ZMAT4: variants seen among roughly 807,000 people sequenced by gnomAD.
ZMAT4 encodes the protein zinc finger matrin-type protein 4.
A neutral mutation model predicts 28.7 loss-of-function variants in ZMAT4; 17 were observed. That is an observed-to-expected ratio of 0.59 (90% CI 0.41 to 0.89). The LOEUF is 0.89. ZMAT4 is among the 40% of genes least tolerant of loss of function. The pLI is 0.00. For missense variants in ZMAT4, 240 were observed against 283.8 expected (o/e 0.85, Z 1.11); for synonymous variants, 117 against 109.2 (o/e 1.07, Z -0.44).
chr8:40,849,007 C>G (rs1339774845), intron 1 of ZMAT4, among the ~76,000 whole-genome samples: 2 of 152,250 alleles, frequency 1.3e-5, no homozygotes, highest in Non-Finnish European at 1.5e-5. Context: ...TGTGTCCTGA[C>G]AGATGGCGAG....
At chr8:40,895,834 A>G (rs1003105485) in intron 1 of ZMAT4, among the ~76,000 whole-genome samples, 1 of 152,212 alleles carries the variant, frequency 6.6e-6, no homozygotes, top group East Asian at 1.9e-4. Flanking sequence ...CTCATGCAAG[A>G]TCCCCCACGT....
At chr8:40,875,924 C>T (rs922583924) in intron 1 of ZMAT4, among the ~76,000 whole-genome samples, 3 of 152,130 alleles carry the variant, frequency 2.0e-5, no homozygotes, top group Admixed American at 6.5e-5. Context: ...ATGGGAAAGA[C>T]GACGGATATG....
chr8:40,741,561 T>G (rs1482267394), intron 3 of ZMAT4, among the ~76,000 whole-genome samples: 1 of 152,208 alleles, frequency 6.6e-6, no homozygotes, highest in Non-Finnish European at 1.5e-5. Flanking sequence ...TTAAAAAGAT[T>G]GGTAATATCC....
intron 3 of ZMAT4, among the ~76,000 whole-genome samples, chr8:40,743,742 G>A (rs998103951): frequency 9.9e-5 from 15 of 152,196 alleles, no homozygotes; most frequent in Non-Finnish European, 1.9e-4. Context: ...TGAAGCCACA[G>A]ATCATGGTGG....
chr8:40,686,949 C>T (rs1032762207), intron 4 of ZMAT4, among the ~76,000 whole-genome samples: 3 of 151,964 alleles, frequency 2.0e-5, no homozygotes, highest in African/African-American at 7.2e-5. Context: ...TCCCACATTG[C>T]TGGGCTGTGA....
chr8:40,573,863 C>T (rs770453356), intron 6 of ZMAT4, among the ~76,000 whole-genome samples: 3 of 152,170 alleles, frequency 2.0e-5, no homozygotes, highest in Non-Finnish European at 4.4e-5. Context: ...TGTCAGTGTA[C>T]AAGGCCACTG....
chr8:40,628,716 AACTT>A (rs1806463496), intron 5 of ZMAT4, among the ~76,000 whole-genome samples: 1 of 152,186 alleles, frequency 6.6e-6, no homozygotes, highest in Admixed American at 6.5e-5. Context: ...CATGATTACT[AACTT>A]GGAGCAGAGA....
At chr8:40,638,630 G>A (rs1250599008) in intron 5 of ZMAT4, among the ~76,000 whole-genome samples, 1 of 152,192 alleles carries the variant, frequency 6.6e-6, no homozygotes, top group Non-Finnish European at 1.5e-5. Flanking sequence ...AGGAATCAGA[G>A]GAAACAAGTG....
chr8:40,566,679 C>T (rs1296596849), intron 6 of ZMAT4, among the ~76,000 whole-genome samples: 1 of 152,046 alleles, frequency 6.6e-6, no homozygotes, highest in Non-Finnish European at 1.5e-5. Context: ...TACTCAGTTG[C>T]CTTGAATAGG....
intron 5 of ZMAT4, among the ~76,000 whole-genome samples, chr8:40,611,063 CT>C (rs1437590310): frequency 6.6e-6 from 1 of 152,046 alleles, no homozygotes; most frequent in Non-Finnish European, 1.5e-5. Context: ...TGAAAAGTTC[CT>C]TTTGCAAATG....
intron 1 of ZMAT4, among the ~76,000 whole-genome samples, chr8:40,874,851 AAAC>A (rs1817984930): frequency 6.6e-6 from 1 of 152,214 alleles, no homozygotes; most frequent in African/African-American, 2.4e-5. Context: ...TTATTTTAGT[AAAC>A]AACATCAAAG....
chr8:40,646,900 A>G (rs1034035685), intron 5 of ZMAT4, among the ~76,000 whole-genome samples: 4 of 152,232 alleles, frequency 2.6e-5, no homozygotes, highest in East Asian at 1.9e-4. Context: ...CAGTATACAT[A>G]TTCTTCTCAA....
rs1018600730 is a variant in ZMAT4 at position 40,557,755 on chromosome 8, C to T, written c.674+23410G>A. Among the ~76,000 whole-genome samples, 12 of 152,204 alleles carry T rather than the reference C, an allele frequency of 7.9e-5. No individual in the cohort carries two copies. The East Asian group carries it at 2.3e-3, about 29-fold the overall frequency. The stretch of plus-strand genomic sequence containing the variant: ...CTCTGTGTGCTGGTCCCTTCTAAAC[C>T]CTGGAGATGCAGCTGTGAACAAGAC... On this transcript the variant is annotated intron_variant, in intron 6 of 6. Coordinates refer to ENST00000297737, the MANE Select transcript of ZMAT4 (RefSeq NM_024645.3).
chr8:40,765,532 G>A (rs1017185044), intron 3 of ZMAT4, among the ~76,000 whole-genome samples: 2 of 152,192 alleles, frequency 1.3e-5, no homozygotes, highest in African/African-American at 4.8e-5. Context: ...ATCATTGGTA[G>A]ATCAAGGTTT....
chr8:40,718,707 G>C (rs1417632494), intron 3 of ZMAT4, among the ~76,000 whole-genome samples: 2 of 152,080 alleles, frequency 1.3e-5, no homozygotes, highest in African/African-American at 4.8e-5. Context: ...GACACACACA[G>C]AGAGAAAAGC....
chr8:40,641,755 A>G (rs950352265), intron 5 of ZMAT4, among the ~76,000 whole-genome samples: 5 of 152,146 alleles, frequency 3.3e-5, no homozygotes, highest in African/African-American at 2.4e-5. Context: ...TATACAATAC[A>G]GTATTTTTAA....
chr8:40,784,829 T>A (rs1232070892), intron 2 of ZMAT4, among the ~76,000 whole-genome samples: 1 of 152,210 alleles, frequency 6.6e-6, no homozygotes, highest in Non-Finnish European at 1.5e-5. Context: ...CATCCCAGGA[T>A]GTGACGATAA....
chr8:40,728,406 A>G (rs1811393983), intron 3 of ZMAT4, among the ~76,000 whole-genome samples: 1 of 152,178 alleles, frequency 6.6e-6, no homozygotes, highest in Non-Finnish European at 1.5e-5. Flanking sequence ...AAATGTTTCC[A>G]TCTTGTGGGT....
intron 1 of ZMAT4, among the ~76,000 whole-genome samples, chr8:40,851,608 A>G (rs1302152304): frequency 6.6e-6 from 1 of 152,206 alleles, no homozygotes; most frequent in Admixed American, 6.5e-5. Context: ...TTTTTAATTG[A>G]CACATAATAA....
Sources: allele counts gnomAD v4.1 joint callset (sites outside exome capture counted in the v4.1 genomes callset), GRCh38; gene constraint gnomAD v4.1.1; transcripts MANE v1.5; gene names NCBI Gene and HGNC (gene_info 2026-07-23, HGNC 2026-07-21).